CTNNA2: variants seen among roughly 807,000 people sequenced by gnomAD.
The protein encoded by CTNNA2 is catenin alpha 2, also known as catenin alpha-2.
A neutral mutation model predicts 101.0 loss-of-function variants in CTNNA2; 42 were observed. The ratio of observed to expected loss-of-function variants is 0.42; its 90% CI spans 0.32 to 0.54. CTNNA2 has a LOEUF of 0.54. Ranked by LOEUF, CTNNA2 falls within the 20% of genes least tolerant of loss-of-function variation. CTNNA2 has a pLI of 0.14. For missense variants in CTNNA2, 871 were observed against 1,223.1 expected (o/e 0.71, Z 4.29); for synonymous variants, 450 against 456.4 (o/e 0.99, Z 0.18).
intron 2 of CTNNA2, among the ~76,000 whole-genome samples, chr2:79,219,949 AG>A (rs1457836633): frequency 6.6e-6 from 1 of 152,206 alleles, no homozygotes; most frequent in Non-Finnish European, 1.5e-5. Flanking sequence ...TTTGCTTTAA[AG>A]TGCTACAGAT....
At chr2:80,009,372 A>G (rs1693605258) in intron 7 of CTNNA2, among the ~76,000 whole-genome samples, 1 of 152,024 alleles carries the variant, frequency 6.6e-6, no homozygotes, top group Admixed American at 6.6e-5. Context: ...AAGCCAATAT[A>G]TTTTTTACAG....
intron 7 of CTNNA2, chr2:80,304,103 A>G (rs986015497): frequency 2.6e-5 from 8 of 308,400 alleles, no homozygotes; most frequent in East Asian, 5.2e-5. Flanking sequence ...AAAAGGGAGG[A>G]AAAAAAAAAT....
chr2:79,235,080 G>A (rs1291816203), intron 2 of CTNNA2, among the ~76,000 whole-genome samples: 2 of 152,148 alleles, frequency 1.3e-5, no homozygotes, highest in African/African-American at 2.4e-5. Context: ...GTGTCTGTTT[G>A]CAGGTAAGGG....
At chr2:79,482,944 C>A (rs530908180) in intron 4 of CTNNA2, among the ~76,000 whole-genome samples, 57 of 152,326 alleles carry the variant, frequency 3.7e-4, no homozygotes, top group African/African-American at 1.3e-3. Context: ...CAATACATAG[C>A]AAAGCTTCTT....
At chr2:80,473,353 T>C (rs933322080) in intron 9 of CTNNA2, among the ~76,000 whole-genome samples, 27 of 152,204 alleles carry the variant, frequency 1.8e-4, no homozygotes, top group Middle Eastern at 3.2e-3. Flanking sequence ...TAAAAGCTAG[T>C]ATTTGTAAGA....
intron 2 of CTNNA2, among the ~76,000 whole-genome samples, chr2:79,707,842 G>C (rs1311232253): frequency 6.6e-6 from 1 of 152,144 alleles, no homozygotes; most frequent in African/African-American, 2.4e-5. Context: ...TTTCCAGCTT[G>C]AGTGGGCTCT....
At chr2:79,822,830 C>CT (rs1678118174) in intron 3 of CTNNA2, among the ~76,000 whole-genome samples, 1 of 152,158 alleles carries the variant, frequency 6.6e-6, no homozygotes, top group South Asian at 2.1e-4. Context: ...GACAAAACTC[C>CT]TGAGCATAGC....
intron 9 of CTNNA2, among the ~76,000 whole-genome samples, chr2:80,428,904 A>C: frequency 6.6e-6 from 1 of 152,208 alleles, no homozygotes; most frequent in Non-Finnish European, 1.5e-5. Flanking sequence ...GACAAACCCA[A>C]TATTTTCATA....
intron 9 of CTNNA2, among the ~76,000 whole-genome samples, chr2:80,453,320 C>T (rs1213794114): frequency 6.6e-6 from 1 of 151,898 alleles, no homozygotes; most frequent in African/African-American, 2.4e-5. Flanking sequence ...AGCACCCACC[C>T]CCACCCTAAC....
chr2:79,249,370 T>TATTAGGCTATGA (rs70940027), intron 2 of CTNNA2, among the ~76,000 whole-genome samples: 34,328 of 152,148 alleles, frequency 0.23, 4,107 homozygotes, highest in Admixed American at 0.35. Context: ...TGGGCTTAGT[T>TATTAGGCTATGA]ATTTGGAGTT....
intron 7 of CTNNA2, among the ~76,000 whole-genome samples, chr2:80,085,867 A>C (rs1056214175): frequency 6.6e-6 from 1 of 152,022 alleles, no homozygotes; most frequent in African/African-American, 2.4e-5. Context: ...ATGCTGACTA[A>C]ATCTATGTAA....
At chr2:79,289,847 A>G (rs772578890) in intron 2 of CTNNA2, among the ~76,000 whole-genome samples, 5 of 152,220 alleles carry the variant, frequency 3.3e-5, no homozygotes, top group Non-Finnish European at 7.3e-5. Flanking sequence ...TACATCCAAT[A>G]TAATACTTAG....
chr2:80,627,455 C>T lies in CTNNA2; in HGVS notation c.2574+8227C>T, dbSNP rs187533076. On this transcript the variant is annotated intron_variant, in intron 18 of 18. Transcript: ENST00000402739. ...CTCATTGTGGCTTTGATTTGCATTTCTCTAATGATCAGTGATGATGAGCAT... is the reference window on the plus strand; with the variant it reads ...CTCATTGTGGCTTTGATTTGCATTTTTCTAATGATCAGTGATGATGAGCAT... Among the ~76,000 whole-genome samples the T allele has an allele frequency of 3.8e-3, 573 of 152,258 alleles. 6 individuals carry two copies. Among genetic ancestry groups the T allele is most frequent in the African/African-American group, 0.013 (542 of 41,556 alleles).
intron 7 of CTNNA2, among the ~76,000 whole-genome samples, chr2:80,337,346 C>A (rs1671838904): frequency 6.6e-6 from 1 of 150,400 alleles, no homozygotes; most frequent in Non-Finnish European, 1.5e-5. Context: ...CAGAGCCAGA[C>A]TCTGTCTCAA....
intron 7 of CTNNA2, among the ~76,000 whole-genome samples, chr2:80,142,126 T>G (rs759028052): frequency 1.3e-4 from 20 of 152,148 alleles, no homozygotes; most frequent in Non-Finnish European, 2.4e-4. Context: ...TAGAAAAATT[T>G]TGGATGCACC....
intron 3 of CTNNA2, among the ~76,000 whole-genome samples, chr2:79,337,838 C>T (rs115645830): frequency 9.5e-4 from 145 of 152,062 alleles, no homozygotes; most frequent in African/African-American, 3.4e-3. Context: ...TATTTACAAG[C>T]TGTGATAAGT....
rs2304338 is a variant in CTNNA2 at position 80,555,763 on chromosome 2, C to T, written c.1611C>T (p.Asp537=). 2.0e-3 allele frequency: 3,198 copies of T among 1,596,730 alleles called. 54 individuals carry two copies. The African/African-American group carries it at 0.024, about 12-fold the overall frequency. The part of the protein sequence containing the change: ...ALQEGDVDTL[D]RTAGAIRGRA... The stretch of plus-strand genomic sequence containing the variant: ...AAGAGGGCGATGTGGACACTCTGGA[C>T]CGGACTGCAGGGGCCATCAGGGGCC... The change falls in exon 12 of 19, where the codon GAC becomes GAT. Residue 537 remains aspartate, a synonymous_variant. Transcript: ENST00000402739.
intron 7 of CTNNA2, among the ~76,000 whole-genome samples, chr2:80,079,776 T>C (rs1408112309): frequency 6.7e-6 from 1 of 148,822 alleles, no homozygotes; most frequent in Admixed American, 6.8e-5. Flanking sequence ...ATTGCGCCAC[T>C]GCACTCCAGC....
At chr2:79,255,995 A>T (rs529952786) in intron 2 of CTNNA2, among the ~76,000 whole-genome samples, 6 of 152,212 alleles carry the variant, frequency 3.9e-5, no homozygotes, top group Non-Finnish European at 8.8e-5. Context: ...AACTCTGTTC[A>T]TCAGAGTATC....
Sources: gnomAD v4.1 joint callset for allele counts (sites outside exome capture counted in the v4.1 genomes callset) on GRCh38, gnomAD v4.1.1 for gene constraint, MANE v1.5 for transcripts, NCBI Gene and HGNC (gene_info 2026-07-23, HGNC 2026-07-21) for gene names.